Variants in FANCD2 observed in about 807,000 individuals in gnomAD.
The protein encoded by FANCD2 is Fanconi anemia group D2 protein.
In FANCD2, 131 loss-of-function variants were observed where a neutral mutation model predicts 192.3. The observed-to-expected ratio is 0.68, with a 90% CI of 0.59 to 0.79. FANCD2 has a LOEUF of 0.79. FANCD2 is among the 30% of genes least tolerant of loss of function. The pLI, the probability that FANCD2 is intolerant of heterozygous loss-of-function variation, is 0.00. For missense variants in FANCD2, 1,508 were observed against 1,701.6 expected, an observed-to-expected ratio of 0.89 and a Z score of 2.00; for synonymous variants, 524 against 612.5, an observed-to-expected ratio of 0.86 and a Z score of 2.13.
intron 29 of FANCD2, among the ~76,000 whole-genome samples, chr3:10,076,577 C>G (rs1199717203): frequency 6.6e-6 from 1 of 152,122 alleles, no homozygotes; most frequent in Non-Finnish European, 1.5e-5. Context: ...GAGTCTTGCT[C>G]TGTCACCCAG....
intron 36 of FANCD2, among the ~76,000 whole-genome samples, 180 bp downstream of exon 36, chr3:10,089,130 C>CA (rs564342097): frequency 1.3e-5 from 2 of 151,982 alleles, no homozygotes; most frequent in Non-Finnish European, 2.9e-5. Context: ...ACTAAAAATA[C>CA]AAAAATTAGC....
At chr3:10,085,990 C>G (rs1192915900) in intron 33 of FANCD2, 68 bp downstream of exon 33, 6 of 1,055,304 alleles carry the variant, frequency 5.7e-6, no homozygotes, top group Non-Finnish European at 8.9e-6. Context: ...TGGCAACTTT[C>G]TTTAAAATAA....
At chr3:10,071,919 C>A (rs1693272813) in intron 26 of FANCD2, among the ~76,000 whole-genome samples, 1 of 150,128 alleles carries the variant, frequency 6.7e-6, no homozygotes, top group Non-Finnish European at 1.5e-5. Flanking sequence ...ACCACCACAC[C>A]CAGCTAATTT....
At position 10,028,682 on chromosome 3, in the gene FANCD2, A is replaced by G; in HGVS notation, c.25A>G (p.Lys9Glu). Residue 9 changes from lysine to glutamate, a missense_variant, in exon 2 of 44, where the codon AAA becomes GAA. Physicochemically the swap from Lys to Glu is moderately conservative, Grantham distance 56 (BLOSUM62 1). This residue lies in a region of FANCD2 where 435 missense variants were observed against 421.9 expected (regional missense o/e 1.03). Coordinates refer to ENST00000675286, the MANE Select transcript of FANCD2 (RefSeq NM_001018115.3). MVSKRRLS[K>E]SEDKESLTED... is the part of the protein sequence containing the mutation. ...AATGGTTTCCAAAAGAAGACTGTCAAAATCTGAGGATAAAGAGAGCCTGAC... is the reference window on the plus strand; with the variant it reads ...AATGGTTTCCAAAAGAAGACTGTCAGAATCTGAGGATAAAGAGAGCCTGAC... 1 of 1,614,204 alleles carries G rather than the reference A, an allele frequency of 6.2e-7. No individual in the cohort carries two copies. The highest frequency in any genetic ancestry group is 8.5e-7 in the Non-Finnish European group (1 of 1,180,006).
intron 18 of FANCD2, among the ~76,000 whole-genome samples, chr3:10,057,553 CG>C (rs1056066835): frequency 4.6e-4 from 70 of 152,028 alleles, no homozygotes; most frequent in African/African-American, 1.7e-3. Context: ...TTAGTAGAGA[CG>C]GGGTTTCACC....
At chr3:10,045,791 AG>A (rs1414736853) in intron 14 of FANCD2, 1 of 151,232 alleles carries the variant, frequency 6.6e-6, no homozygotes, top group Non-Finnish European at 1.5e-5. Flanking sequence ...TAGTAGAGAC[AG>A]GGTTTCAGCA....
At chr3:10,070,219 T>C (rs1303865906) in intron 26 of FANCD2, among the ~76,000 whole-genome samples, 2 of 147,432 alleles carry the variant, frequency 1.4e-5, no homozygotes, top group Non-Finnish European at 3.0e-5. Flanking sequence ...GGAGCCCCTC[T>C]GCCCGGCAGC....
intron 34 of FANCD2, among the ~76,000 whole-genome samples, chr3:10,087,839 G>C (rs1255376601): frequency 6.6e-6 from 1 of 151,982 alleles, no homozygotes; most frequent in Admixed American, 6.6e-5. Context: ...AGTGGAGACG[G>C]GGTTTCACCA....
chr3:10,065,779 T>C, intron 24 of FANCD2, 85 bp from the exon 25 acceptor site: 1 of 848,058 alleles, frequency 1.2e-6, no homozygotes, highest in South Asian at 1.4e-5. Flanking sequence ...GGAAAGTAAA[T>C]AGCAAGGACA....
chr3:10,082,366 G>A (rs1318003654), intron 32 of FANCD2, among the ~76,000 whole-genome samples: 1 of 152,098 alleles, frequency 6.6e-6, no homozygotes, highest in African/African-American at 2.4e-5. Flanking sequence ...GACTGGGCTA[G>A]GTTCACACTT....
At position 10,064,709 on chromosome 3, in the gene FANCD2, A is replaced by C. The variant is rs1391301513; in HGVS notation, c.2022-20A>C. The C allele has an allele frequency of 6.2e-7, 1 of 1,613,686 alleles. No homozygotes were observed. Among genetic ancestry groups the C allele is most frequent in the Non-Finnish European group, 8.5e-7 (1 of 1,179,866 alleles). On this transcript the variant is annotated intron_variant, in intron 22 of 43. Transcript: ENST00000675286. ...GCGTATTCCTGAGCTGCAACATCAG[A>C]TTCTGGTTTTTCTCCGCAGTGACTT...
At position 10,101,550 on chromosome 3, in the gene FANCD2, T is replaced by C; in HGVS notation, c.*288T>C. ...ACAGGCACATGCCACCATGCCCAGCTAATTTTTGTATTTTTAGTAGATACG... is the reference window on the plus strand; with the variant it reads ...ACAGGCACATGCCACCATGCCCAGCCAATTTTTGTATTTTTAGTAGATACG... On this transcript the variant is annotated 3_prime_UTR_variant, in exon 44 of 44. Coordinates refer to ENST00000675286, the MANE Select transcript of FANCD2 (RefSeq NM_001018115.3). The C allele has an allele frequency of 2.4e-6, 1 of 423,380 alleles. No homozygotes were observed. The highest frequency in any genetic ancestry group is 3.8e-5 in the Admixed American group (1 of 26,138). 26.2% of individuals were successfully genotyped at this position (423,380 alleles called of 1,614,324 possible). A position where few individuals can be genotyped will look rare whatever the true frequency, so the allele number is the denominator to read the frequency against.
intron 32 of FANCD2, among the ~76,000 whole-genome samples, chr3:10,082,669 T>G (rs1175275366): frequency 1.3e-5 from 2 of 152,158 alleles, no homozygotes; most frequent in African/African-American, 2.4e-5. Flanking sequence ...CCCCAGCTTT[T>G]TCTGACTCAT....
rs1310630868 is a variant in FANCD2 at position 10,043,067 on chromosome 3, G to A, written c.906G>A (p.Arg302=). 2.5e-6 allele frequency: 4 copies of A among 1,613,916 alleles called. No homozygotes were observed. The highest frequency in any genetic ancestry group is 1.7e-5 in the Admixed American group (1 of 59,994). Residue 302 remains arginine, a synonymous_variant, in exon 12 of 44, where the codon CGG becomes CGA. Transcript: ENST00000675286. ...MDTLEVISEL[R]EKLDLQHCVL... Reference sequence around the variant, plus strand: ...TTCTGCAGGTAATTTCTGAGCTTCGGGAGAAGTTGGATCTGCAGCATTGTG... The same window carrying A: ...TTCTGCAGGTAATTTCTGAGCTTCGAGAGAAGTTGGATCTGCAGCATTGTG...
intron 26 of FANCD2, among the ~76,000 whole-genome samples, chr3:10,070,003 A>G (rs1401028596): frequency 1.4e-5 from 2 of 142,568 alleles, no homozygotes; most frequent in African/African-American, 5.3e-5. Flanking sequence ...CCGCCATCCC[A>G]TCTAGGAAGT....
intron 27 of FANCD2, 116 bp from the exon 28 acceptor site, chr3:10,073,137 A>G (rs1693347291): frequency 1.1e-6 from 1 of 918,264 alleles, no homozygotes; most frequent in African/African-American, 1.7e-5. Context: ...TTAGGGTTAT[A>G]AAATTACCTC....
rs190885387 is a variant in FANCD2, at chr3:10,089,733, G to A, written c.3684-559G>A. Among the ~76,000 whole-genome samples, 533 of 152,318 alleles carry A rather than the reference G, an allele frequency of 3.5e-3. 4 individuals carry two copies. Among genetic ancestry groups the A allele is most frequent in the Middle Eastern group, 0.01 (3 of 294 alleles). On this transcript the variant is annotated intron_variant, in intron 36 of 43. Coordinates refer to ENST00000675286, the MANE Select transcript of FANCD2 (RefSeq NM_001018115.3). ...TCTGCCTGCCTCGGCCTCTCAAAGT[G>A]CTGGGATTACAGGCATGAGCCATTG...
chr3:10,063,602 G>A (rs1322810895), intron 20 of FANCD2, among the ~76,000 whole-genome samples, 190 bp from the exon 21 acceptor site: 1 of 152,218 alleles, frequency 6.6e-6, no homozygotes, highest in African/African-American at 2.4e-5. Flanking sequence ...TGGCTGCAGT[G>A]TCTGGCAGAT....
At chr3:10,057,339 A>G (rs575601508) in intron 18 of FANCD2, among the ~76,000 whole-genome samples, 1 of 150,876 alleles carries the variant, frequency 6.6e-6, no homozygotes, top group South Asian at 2.1e-4. Flanking sequence ...AGTCAAATTT[A>G]TCTATTTCTT....
Sources: allele counts gnomAD v4.1 joint callset (sites outside exome capture counted in the v4.1 genomes callset), GRCh38; gene constraint gnomAD v4.1.1; regional missense constraint gnomAD v4.1.1; transcripts MANE v1.5; gene names NCBI Gene and HGNC (gene_info 2026-07-23, HGNC 2026-07-21).